FOXR1: variants seen among roughly 807,000 people sequenced by gnomAD.
FOXR1 encodes the protein forkhead box protein R1.
Under a neutral mutation model 34.5 loss-of-function variants are expected in FOXR1, and 25 were observed. The ratio of observed to expected loss-of-function variants is 0.72; its 90% CI spans 0.53 to 1.01. FOXR1 has a LOEUF of 1.01. FOXR1 is among the 50% of genes least tolerant of loss of function. The probability of loss-of-function intolerance (pLI) is 0.00; values close to 1 mark genes in which losing one functional copy is unlikely to be tolerated. For synonymous variants in FOXR1, 153 were observed against 141.6 expected (o/e 1.08, Z -0.57); for missense variants, 373 against 376.2 (o/e 0.99, Z 0.07).
At chr11:118,972,182 GA>G (rs1941717168) in intron 1 of FOXR1, among the ~76,000 whole-genome samples, 190 bp downstream of exon 1, 1 of 143,598 alleles carries the variant, frequency 7.0e-6, no homozygotes, top group Non-Finnish European at 1.5e-5. Context: ...CCCCACTCGC[GA>G]ACTCTACTCG....
At chr11:118,981,087 G>T in intron 5 of FOXR1, 121 bp from the exon 6 acceptor site, 1 of 953,754 alleles carries the variant, frequency 1.0e-6, no homozygotes, top group South Asian at 1.3e-5. Flanking sequence ...AGGCTTCAGA[G>T]AAGAGGCAGC....
chr11:118,977,580 T>G (rs554926923), intron 1 of FOXR1, among the ~76,000 whole-genome samples: 3 of 152,144 alleles, frequency 2.0e-5, no homozygotes, highest in South Asian at 4.1e-4. Flanking sequence ...TTTTTCTATC[T>G]TTTGCTACTT....
chr11:118,972,134 C>A lies in FOXR1; in HGVS notation c.61+142C>A, dbSNP rs1446993189. ...TGGGGGGCCGAGCGCCCCGCGCCCC[C>A]CCCCCCCGACGGCTTAGCTCCGCCG... On this transcript the variant is annotated intron_variant, in intron 1 of 5. Transcript: ENST00000317011. 15 of 567,376 alleles carry A rather than the reference C, an allele frequency of 2.6e-5. No individual in the cohort carries two copies. In the South Asian group the frequency reaches 2.7e-4, roughly 10 times the overall value. 35.1% of individuals were successfully genotyped at this position (567,376 alleles called of 1,614,324 possible). A position where few individuals can be genotyped will look rare whatever the true frequency, so the allele number is the denominator to read the frequency against.
Position 118,980,610 on chromosome 11 carries a change from A to G in FOXR1, c.732A>G (p.Thr244=). 1 of 1,614,210 alleles carries G rather than the reference A, an allele frequency of 6.2e-7. No individual in the cohort carries two copies. The highest frequency in any genetic ancestry group is 1.1e-5 in the South Asian group (1 of 91,088). The change falls in exon 5 of 6, where the codon ACA becomes ACG. Residue 244 remains threonine, a synonymous_variant. Coordinates refer to ENST00000317011, the MANE Select transcript of FOXR1 (RefSeq NM_181721.3). The part of the protein sequence containing the change: ...VPVSMQGGAS[T]RPRSCLWKLT... ...TCAGCATGCAGGGCGGGGCCAGCAC[A>G]CGGCCTCGATCTTGCCTCTGGAAGT... is the stretch of plus-strand genomic sequence containing the variant.
At chr11:118,975,664 C>T (rs1414533714) in intron 1 of FOXR1, among the ~76,000 whole-genome samples, 1 of 151,940 alleles carries the variant, frequency 6.6e-6, no homozygotes, top group African/African-American at 2.4e-5. Flanking sequence ...GAGAATGACC[C>T]AACAAAGACA....
intron 1 of FOXR1, among the ~76,000 whole-genome samples, chr11:118,975,011 G>A (rs1181150879): frequency 6.6e-6 from 1 of 152,148 alleles, no homozygotes; most frequent in Non-Finnish European, 1.5e-5. Flanking sequence ...GTTCTGGAGA[G>A]AAGTGGGGAC....
At chr11:118,980,057 G>A (rs949250673) in intron 4 of FOXR1, among the ~76,000 whole-genome samples, 31 of 152,234 alleles carry the variant, frequency 2.0e-4, no homozygotes, top group African/African-American at 6.7e-4. Context: ...ACCCCCAGGG[G>A]TGCAGAGAAC....
intron 4 of FOXR1, among the ~76,000 whole-genome samples, chr11:118,980,050 C>T (rs1219262253): frequency 1.3e-5 from 2 of 152,108 alleles, no homozygotes; most frequent in South Asian, 4.1e-4. Context: ...TCCCTGCACC[C>T]CCAGGGGTGC....
chr11:118,979,737 C>T (rs1941831171), intron 4 of FOXR1, 69 bp downstream of exon 4: 1 of 1,391,550 alleles, frequency 7.2e-7, no homozygotes, highest in Non-Finnish European at 9.7e-7. Context: ...CCTTCCAATC[C>T]ATCCCAGGCC....
chr11:118,971,872 C>CA lies in FOXR1; in HGVS notation c.-58dup. 2.6e-6 allele frequency: 4 copies of CA among 1,532,886 alleles called. No homozygotes were observed. Among genetic ancestry groups the CA allele is most frequent in the Non-Finnish European group, 3.5e-6 (4 of 1,131,080 alleles). 95.0% of individuals were successfully genotyped at this position (1,532,886 alleles called of 1,614,324 possible). A position where few individuals can be genotyped will look rare whatever the true frequency, so the allele number is the denominator to read the frequency against. Reference sequence around the variant, plus strand: ...AGCCCCGAAGGTGGACGTGAAGCTCCAACACCTCGACTTCTGGGCCCGCCT... The same window carrying CA: ...AGCCCCGAAGGTGGACGTGAAGCTCCAAACACCTCGACTTCTGGGCCCGCCT... On this transcript the variant is annotated 5_prime_UTR_variant, in exon 1 of 6. Transcript: ENST00000317011.
Position 118,980,605 on chromosome 11 carries a change from A to C in FOXR1, c.727A>C (p.Ser243Arg). Reference sequence around the variant, plus strand: ...GCCTGTCAGCATGCAGGGCGGGGCCAGCACACGGCCTCGATCTTGCCTCTG... The same window carrying C: ...GCCTGTCAGCATGCAGGGCGGGGCCCGCACACGGCCTCGATCTTGCCTCTG... ...KVPVSMQGGA[S>R]TRPRSCLWKL... The change falls in exon 5 of 6, where the codon AGC becomes CGC. Residue 243 changes from serine (S) to arginine (R), a missense_variant. Ser to Arg is a moderately radical substitution (Grantham distance 110). Coordinates refer to ENST00000317011, the MANE Select transcript of FOXR1 (RefSeq NM_181721.3). The C allele has an allele frequency of 1.9e-6, 3 of 1,614,278 alleles. No individual in the cohort carries two copies. The highest frequency in any genetic ancestry group is 2.5e-6 in the Non-Finnish European group (3 of 1,180,054).
intron 1 of FOXR1, 127 bp downstream of exon 1, chr11:118,972,119 A>C (rs1941713379): frequency 7.6e-5 from 42 of 554,090 alleles, no homozygotes; most frequent in Non-Finnish European, 9.5e-5. Context: ...TGGGGGGCCG[A>C]GCGCCCCGCG....
At chr11:118,975,478 C>T (rs1296072568) in intron 1 of FOXR1, among the ~76,000 whole-genome samples, 1 of 144,820 alleles carries the variant, frequency 6.9e-6, no homozygotes, top group African/African-American at 2.5e-5. Flanking sequence ...ACTGCAGTGG[C>T]ACCAGCACAG....
In FOXR1 at chr11:118,971,986, C is replaced by T; in HGVS notation, c.55C>T (p.Gln19Ter). Residue 19 changes from glutamine to a stop codon, truncating the protein, a stop_gained, in exon 1 of 6, where the codon CAG (glutamine) becomes TAG (stop). Transcript: ENST00000317011. LOFTEE classifies it high-confidence loss of function. The stretch of plus-strand genomic sequence containing the variant: ...CACATCTCACCTCCCCTTAGCGGAG[C>T]AGAAACGTGAGTAGCGGGTGGGGTG... ...FTTSHLPLAEQKLARYKLRIV... is the reference protein window; with the variant it reads ...FTTSHLPLAE 6.5e-7 allele frequency: 1 copy of T among 1,549,902 alleles called. No homozygotes were observed. Among genetic ancestry groups the T allele is most frequent in the Non-Finnish European group, 8.7e-7 (1 of 1,145,912 alleles).
Position 118,980,578 on chromosome 11 carries a change from G to A in FOXR1, c.700G>A (p.Val234Met). ...CTGTTTTCGAGACAGCTTTGAGAAA[G>A]TGCCTGTCAGCATGCAGGGCGGGGC... is the stretch of plus-strand genomic sequence containing the variant. ...NLCFRDSFEK[V>M]PVSMQGGAST... The change falls in exon 5 of 6, where the codon GTG (valine) becomes ATG (methionine). Residue 234 changes from valine (V) to methionine (M), a missense_variant. Coordinates refer to ENST00000317011, the MANE Select transcript of FOXR1 (RefSeq NM_181721.3). 6.2e-7 allele frequency: 1 copy of A among 1,614,258 alleles called. No homozygotes were observed. The highest frequency in any genetic ancestry group is 8.5e-7 in the Non-Finnish European group (1 of 1,180,052).
Position 118,979,183 on chromosome 11 carries a change from CT to C in FOXR1, c.367del (p.Ser123ProfsTer59), listed in dbSNP as rs1415118893. 7.2e-6 allele frequency: 11 copies of C among 1,531,576 alleles called. No homozygotes were observed. Among genetic ancestry groups the C allele is most frequent in the East Asian group, 2.3e-5 (1 of 44,292 alleles). 94.9% of individuals were successfully genotyped at this position (1,531,576 alleles called of 1,614,324 possible). A position where few individuals can be genotyped will look rare whatever the true frequency, so the allele number is the denominator to read the frequency against. The part of the protein sequence containing the change: ...KRSPPRKRFA[F>X]SPSTWELTEE... ...GGTCTCCCCCTCGGAAGCGGTTTGC[CT>C]TTTCCCCCAGCACCTGGGAGGTATG... On this transcript the variant is annotated frameshift_variant, in exon 3 of 6. Transcript: ENST00000317011. LOFTEE classifies it high-confidence loss of function.
chr11:118,971,946 C>G lies in FOXR1; in HGVS notation c.15C>G (p.Leu5=). 2 of 1,554,868 alleles carry G rather than the reference C, an allele frequency of 1.3e-6. No individual in the cohort carries two copies. The highest frequency in any genetic ancestry group is 8.7e-7 in the Non-Finnish European group (1 of 1,148,508). ...TGGACTGGGACATGGGGAACGAGCTCTTTCTGGCCTTCACCACATCTCACC... is the reference window on the plus strand; with the variant it reads ...TGGACTGGGACATGGGGAACGAGCTGTTTCTGGCCTTCACCACATCTCACC... MGNE[L]FLAFTTSHLP... Residue 5 remains leucine, a synonymous_variant, in exon 1 of 6, where the codon CTC becomes CTG. Coordinates refer to ENST00000317011, the MANE Select transcript of FOXR1 (RefSeq NM_181721.3).
In FOXR1 at chr11:118,979,530, G is replaced by T. The variant is rs200169481; in HGVS notation, c.473G>T (p.Arg158Leu). The T allele has an allele frequency of 8.4e-5, 136 of 1,613,472 alleles. No homozygotes were observed. Among genetic ancestry groups the T allele is most frequent in the Non-Finnish European group, 1.0e-4 (120 of 1,179,770 alleles). The change falls in exon 4 of 6, where the codon CGG becomes CTG. Residue 158 changes from arginine (R) to leucine (L), a missense_variant. Transcript: ENST00000317011. ...SPHKRAPLQS[R>L]RLRQASSQAG... Reference sequence around the variant, plus strand: ...CACAAAAGGGCCCCCCTCCAGAGTCGGAGGCTTCGGCAAGCCAGCAGCCAG... The same window carrying T: ...CACAAAAGGGCCCCCCTCCAGAGTCTGAGGCTTCGGCAAGCCAGCAGCCAG...
At chr11:118,974,833 G>A (rs1168305948) in intron 1 of FOXR1, among the ~76,000 whole-genome samples, 1 of 152,170 alleles carries the variant, frequency 6.6e-6, no homozygotes, top group African/African-American at 2.4e-5. Context: ...AATTGAGTAT[G>A]AGCCTTCAAA....
Sources: allele counts gnomAD v4.1 joint callset (sites outside exome capture counted in the v4.1 genomes callset), GRCh38; gene constraint gnomAD v4.1.1; transcripts MANE v1.5; gene names NCBI Gene and HGNC (gene_info 2026-07-23, HGNC 2026-07-21).